Variants in TOX observed in about 807,000 individuals in gnomAD.
The protein encoded by TOX is thymocyte selection associated high mobility group box.
Under a neutral mutation model 53.7 loss-of-function variants are expected in TOX, and 11 were observed. That is an observed-to-expected ratio of 0.20 (90% confidence interval 0.13 to 0.34). The LOEUF is 0.34. TOX is among the 10% of genes least tolerant of loss of function. The probability of loss-of-function intolerance (pLI) is 1.00; values close to 1 mark genes in which losing one functional copy is unlikely to be tolerated. For missense variants in TOX, 570 were observed against 664.6 expected, an observed-to-expected ratio of 0.86 and a Z score of 1.56; for synonymous variants, 225 against 245.3, an observed-to-expected ratio of 0.92 and a Z score of 0.77.
intron 1 of TOX, among the ~76,000 whole-genome samples, chr8:59,017,749 C>T (rs931273334): frequency 5.9e-5 from 9 of 152,148 alleles, no homozygotes; most frequent in Admixed American, 5.2e-4. Context: ...ATTACAAACT[C>T]GGAACAGGTG....
chr8:58,822,447 T>A (rs539784830), intron 6 of TOX, among the ~76,000 whole-genome samples: 1 of 152,334 alleles, frequency 6.6e-6, no homozygotes, highest in East Asian at 1.9e-4. Flanking sequence ...GCATCCTATG[T>A]CCTATAGATG....
In TOX at chr8:59,106,812, C is replaced by T. The variant is rs533173846; in HGVS notation, c.102+12074G>A. ...TAACAGCTTTTGTTACTAGCAAGAA[C>T]GAATTTTTCACCAAGATTGGGTTCA... On this transcript the variant is annotated intron_variant, in intron 1 of 8. Transcript: ENST00000361421. 8.5e-5 allele frequency among the ~76,000 whole-genome samples: 13 copies of T among 152,158 alleles called. No homozygotes were observed. In the East Asian group the frequency reaches 1.9e-3, roughly 23 times the overall value.
At chr8:59,088,981 G>T (rs1202707360) in intron 1 of TOX, among the ~76,000 whole-genome samples, 1 of 152,050 alleles carries the variant, frequency 6.6e-6, no homozygotes, top group East Asian at 1.9e-4. Flanking sequence ...ACCTAAATAG[G>T]CTGTAAACTA....
Position 59,059,420 on chromosome 8 carries a change from A to AT in TOX, c.102+59465dup, listed in dbSNP as rs202159695. Among the ~76,000 whole-genome samples, 257 of 151,836 alleles carry AT rather than the reference A, an allele frequency of 1.7e-3. 2 individuals carry two copies. Among genetic ancestry groups the AT allele is most frequent in the Admixed American group, 5.1e-3 (77 of 15,228 alleles). ...AAAGAAGAAATATTTTACTCTTTAAATTTTTTTTTAACTGAGAAATATCAC... is the reference window on the plus strand; with the variant it reads ...AAAGAAGAAATATTTTACTCTTTAAATTTTTTTTTTAACTGAGAAATATCAC... On this transcript the variant is annotated intron_variant, in intron 1 of 8. Coordinates refer to ENST00000361421, the MANE Select transcript of TOX (RefSeq NM_014729.3).
At chr8:58,972,230 T>G (rs886638648) in intron 1 of TOX, among the ~76,000 whole-genome samples, 1 of 152,206 alleles carries the variant, frequency 6.6e-6, no homozygotes, top group Non-Finnish European at 1.5e-5. Flanking sequence ...TCTTGCAATG[T>G]TTTTATTTGG....
At chr8:58,930,951 A>G (rs1416115790) in intron 3 of TOX, among the ~76,000 whole-genome samples, 1 of 152,230 alleles carries the variant, frequency 6.6e-6, no homozygotes, top group African/African-American at 2.4e-5. Context: ...CAATTATTCA[A>G]ATATAAACTA....
At chr8:58,835,853 G>A (rs1810536553) in intron 5 of TOX, among the ~76,000 whole-genome samples, 1 of 152,104 alleles carries the variant, frequency 6.6e-6, no homozygotes, top group African/African-American at 2.4e-5. Flanking sequence ...GAAATGAAGA[G>A]TTTGGCAAAG....
chr8:58,877,541 C>T (rs1030595962), intron 3 of TOX, among the ~76,000 whole-genome samples: 2 of 152,158 alleles, frequency 1.3e-5, no homozygotes, highest in African/African-American at 4.8e-5. Context: ...AACCCTCCAA[C>T]CTTGCCTGCT....
chr8:58,857,641 T>G (rs1394987848), intron 3 of TOX, among the ~76,000 whole-genome samples: 1 of 152,180 alleles, frequency 6.6e-6, no homozygotes, highest in Non-Finnish European at 1.5e-5. Context: ...CCATGTTCCT[T>G]TCTCCCCTTG....
At chr8:58,813,528 T>G (rs1810120847) in intron 7 of TOX, among the ~76,000 whole-genome samples, 1 of 152,212 alleles carries the variant, frequency 6.6e-6, no homozygotes, top group Non-Finnish European at 1.5e-5. Context: ...ACTGGTTCAT[T>G]AAGATGCATG....
chr8:58,851,818 A>C lies in TOX; in HGVS notation c.412-13T>G. On this transcript the variant is annotated splice_polypyrimidine_tract_variant and intron_variant, in intron 3 of 8. Coordinates refer to ENST00000361421, the MANE Select transcript of TOX (RefSeq NM_014729.3). This position sits in a 1 kb window ranked among gnomAD's most constrained non-coding sequence, Gnocchi z 4.4. ...GTATATCTGGCATCTACAATAAATA[A>C]ATAAATAAATAAATAAATAAATAAA... 4.0e-6 allele frequency: 5 copies of C among 1,252,060 alleles called. No individual in the cohort carries two copies. Among genetic ancestry groups the C allele is most frequent in the Non-Finnish European group, 5.1e-6 (5 of 987,280 alleles). 77.6% of individuals were successfully genotyped at this position (1,252,060 alleles called of 1,614,324 possible). A position where few individuals can be genotyped will look rare whatever the true frequency, so the allele number is the denominator to read the frequency against.
intron 1 of TOX, among the ~76,000 whole-genome samples, chr8:59,085,537 C>A (rs1038249782): frequency 2.0e-5 from 3 of 152,042 alleles, no homozygotes; most frequent in Non-Finnish European, 4.4e-5. Context: ...CACAGGCATG[C>A]GCCACCACAC....
intron 5 of TOX, among the ~76,000 whole-genome samples, 196 bp from the exon 6 acceptor site, chr8:58,827,098 A>G (rs1428897786): frequency 6.6e-6 from 1 of 152,164 alleles, no homozygotes; most frequent in East Asian, 1.9e-4. Flanking sequence ...GAAAAGAAAA[A>G]AAAAGTTAGC....
chr8:58,815,290 A>G lies in TOX; in HGVS notation c.1392+48T>C, dbSNP rs758062838. 4.6e-6 allele frequency: 7 copies of G among 1,524,820 alleles called. No homozygotes were observed. In the South Asian group the frequency reaches 7.9e-5, roughly 17 times the overall value. The allele number at this position is 1,524,820 out of a possible 1,614,324, so 94.5% of individuals were successfully genotyped here. A position where few individuals can be genotyped will look rare whatever the true frequency, so the allele number is the denominator to read the frequency against. On this transcript the variant is annotated intron_variant, in intron 7 of 8. Transcript: ENST00000361421. ...CAGCTCCCCCCACCTCCACCACCAC[A>G]CTTCAGAATAGGGGTGCACACTCTA...
intron 1 of TOX, among the ~76,000 whole-genome samples, chr8:59,064,206 C>T (rs1804046502): frequency 6.6e-6 from 1 of 152,068 alleles, no homozygotes; most frequent in East Asian, 1.9e-4. Context: ...AGACCTTTTT[C>T]CCTGCAAAGC....
At chr8:58,897,726 A>T (rs571775747) in intron 3 of TOX, among the ~76,000 whole-genome samples, 1 of 149,242 alleles carries the variant, frequency 6.7e-6, no homozygotes, top group African/African-American at 2.5e-5. Context: ...CACATCCTAC[A>T]TACATGAGTC....
intron 1 of TOX, among the ~76,000 whole-genome samples, chr8:58,996,982 C>T (rs1396103864): frequency 1.3e-5 from 2 of 152,166 alleles, no homozygotes; most frequent in Non-Finnish European, 2.9e-5. Context: ...TGGTTGATTT[C>T]CTACCTAAGT....
chr8:59,064,959 T>G (rs1467344218), intron 1 of TOX, among the ~76,000 whole-genome samples: 1 of 152,194 alleles, frequency 6.6e-6, no homozygotes, highest in African/African-American at 2.4e-5. Flanking sequence ...AGGGGGCTTT[T>G]TAAAAGTGAA....
chr8:58,933,818 T>C (rs1240793390), intron 3 of TOX, among the ~76,000 whole-genome samples: 2 of 152,002 alleles, frequency 1.3e-5, no homozygotes, highest in East Asian at 1.9e-4. Flanking sequence ...CAAAGAAAAA[T>C]AAAAGCAACA....
Sources: gnomAD v4.1 joint callset for allele counts (sites outside exome capture counted in the v4.1 genomes callset) on GRCh38, gnomAD v4.1.1 for gene constraint, Gnocchi (gnomAD v3.1) non-coding constraint, MANE v1.5 for transcripts, NCBI Gene and HGNC (gene_info 2026-07-23, HGNC 2026-07-21) for gene names.